NPAS3: variants seen among roughly 807,000 people sequenced by gnomAD.
NPAS3 encodes neuronal PAS domain protein 3.
In NPAS3, 14 loss-of-function variants were observed where a neutral mutation model predicts 73.1. The ratio of observed to expected loss-of-function variants is 0.19; its 90% CI spans 0.13 to 0.30. The LOEUF (loss-of-function observed/expected upper bound fraction) is 0.30. Among genes scored for constraint, NPAS3 ranks in the 10% least tolerant of loss-of-function variants. The pLI, the probability that NPAS3 is intolerant of heterozygous loss-of-function variation, is 1.00. For missense variants in NPAS3, 1,096 were observed against 1,250.0 expected, an observed-to-expected ratio of 0.88 and a Z score of 1.86; for synonymous variants, 620 against 541.5, an observed-to-expected ratio of 1.14 and a Z score of -2.01.
intron 2 of NPAS3, among the ~76,000 whole-genome samples, chr14:33,070,520 C>T (rs2041448589): frequency 6.6e-6 from 1 of 152,188 alleles, no homozygotes; most frequent in Admixed American, 6.5e-5. Flanking sequence ...TCCTAGATGG[C>T]AGTGCAGACA....
intron 9 of NPAS3, 86 bp from the exon 10 acceptor site, chr14:33,793,811 T>A: frequency 7.3e-7 from 1 of 1,360,612 alleles, no homozygotes; most frequent in Non-Finnish European, 9.9e-7. Context: ...ATTTTTAGGC[T>A]TAAGGTTTTG....
chr14:33,299,666 C>A (rs765695984), intron 3 of NPAS3, among the ~76,000 whole-genome samples: 18 of 151,952 alleles, frequency 1.2e-4, no homozygotes, highest in Admixed American at 9.8e-4. Context: ...TGAGTTGGAA[C>A]CTCTGTCTCT....
intron 4 of NPAS3, among the ~76,000 whole-genome samples, chr14:33,375,506 C>G (rs961492884): frequency 6.6e-6 from 1 of 152,076 alleles, no homozygotes; most frequent in African/African-American, 2.4e-5. Flanking sequence ...ATGAACAACT[C>G]AAGATAATTT....
chr14:32,961,165 G>A, intron 1 of NPAS3, among the ~76,000 whole-genome samples: 1 of 152,152 alleles, frequency 6.6e-6, no homozygotes, highest in African/African-American at 2.4e-5. Context: ...TGTAATCCCA[G>A]CACTTTGGGA....
At chr14:33,382,714 A>T (rs2046609559) in intron 4 of NPAS3, among the ~76,000 whole-genome samples, 1 of 152,174 alleles carries the variant, frequency 6.6e-6, no homozygotes, top group Non-Finnish European at 1.5e-5. Context: ...TAGAGACAGG[A>T]CCTAAAATTC....
intron 5 of NPAS3, among the ~76,000 whole-genome samples, chr14:33,565,727 A>G (rs1219360985): frequency 2.0e-5 from 3 of 152,206 alleles, no homozygotes; most frequent in Admixed American, 2.0e-4. Context: ...TATTATTTCA[A>G]CACAGCAGAG....
intron 5 of NPAS3, among the ~76,000 whole-genome samples, chr14:33,632,184 G>A (rs567452603): frequency 3.9e-5 from 6 of 152,286 alleles, no homozygotes; most frequent in African/African-American, 1.4e-4. Context: ...CCTTCTAGGT[G>A]TTGACCAAGT....
At chr14:33,230,369 C>T (rs1594456671) in intron 3 of NPAS3, among the ~76,000 whole-genome samples, 1 of 152,292 alleles carries the variant, frequency 6.6e-6, no homozygotes, top group South Asian at 2.1e-4. Flanking sequence ...TCTACAGCAA[C>T]AGACTCTGCT....
At chr14:33,541,480 A>C (rs910483453) in intron 4 of NPAS3, among the ~76,000 whole-genome samples, 10 of 152,170 alleles carry the variant, frequency 6.6e-5, no homozygotes, top group Admixed American at 5.2e-4. Flanking sequence ...TTAAATAGTC[A>C]GGTAATTAAG....
At chr14:33,205,463 T>G (rs1454785589) in intron 2 of NPAS3, among the ~76,000 whole-genome samples, 1 of 152,206 alleles carries the variant, frequency 6.6e-6, no homozygotes, top group African/African-American at 2.4e-5. Flanking sequence ...GGATATGTAG[T>G]TGCTAAATTG....
At position 33,402,706 on chromosome 14, in the gene NPAS3, C is replaced by G. The variant is rs1031466231; in HGVS notation, c.468+35438C>G. On this transcript the variant is annotated intron_variant, in intron 4 of 11. Coordinates refer to ENST00000356141, the Ensembl canonical transcript of NPAS3. ...AGTTTTTCACAACTCTGTCATCACCCTATAGTTCTTATTTTTATTCAGGTA... is the reference window on the plus strand; with the variant it reads ...AGTTTTTCACAACTCTGTCATCACCGTATAGTTCTTATTTTTATTCAGGTA... Among the ~76,000 whole-genome samples, 10 of 152,312 alleles carry G rather than the reference C, an allele frequency of 6.6e-5. No individual in the cohort carries two copies. The East Asian group carries it at 1.9e-3, about 29-fold the overall frequency.
At chr14:32,993,587 G>T (rs2038428665) in intron 1 of NPAS3, among the ~76,000 whole-genome samples, 2 of 152,150 alleles carry the variant, frequency 1.3e-5, no homozygotes, top group African/African-American at 4.8e-5. Context: ...TATGGCAAAA[G>T]ATTCATTTAT....
intron 2 of NPAS3, among the ~76,000 whole-genome samples, chr14:33,089,169 GAGA>G (rs1368465790): frequency 4.6e-5 from 7 of 152,216 alleles, no homozygotes; most frequent in Admixed American, 6.5e-5. Flanking sequence ...GACGAGTTGA[GAGA>G]AGAAGGCTTC....
chr14:32,993,050 T>C (rs1268379367), intron 1 of NPAS3, among the ~76,000 whole-genome samples: 3 of 151,156 alleles, frequency 2.0e-5, no homozygotes, highest in Non-Finnish European at 4.4e-5. Context: ...CTTGGGAGGC[T>C]GAGGCAGGAG....
chr14:33,365,791 C>T (rs927596318), intron 3 of NPAS3, among the ~76,000 whole-genome samples: 3 of 152,144 alleles, frequency 2.0e-5, no homozygotes, highest in Non-Finnish European at 4.4e-5. Flanking sequence ...GCGCAATAAT[C>T]ACAAGTGCAT....
chr14:33,338,165 G>A (rs4982076), intron 3 of NPAS3, among the ~76,000 whole-genome samples: 119,428 of 152,054 alleles, frequency 0.79, 47,520 homozygotes, highest in African/African-American at 0.92. Context: ...TAGCTTCAAG[G>A]CAAAAGGGGA....
intron 2 of NPAS3, among the ~76,000 whole-genome samples, chr14:33,193,017 T>C (rs2046226046): frequency 1.3e-5 from 2 of 152,214 alleles, no homozygotes; most frequent in Admixed American, 1.3e-4. Flanking sequence ...TGTTACTGCT[T>C]GTTTTCTGGA....
chr14:33,701,224 AC>A (rs2060515869), intron 6 of NPAS3, among the ~76,000 whole-genome samples: 1 of 152,240 alleles, frequency 6.6e-6, no homozygotes, highest in Non-Finnish European at 1.5e-5. Flanking sequence ...TTCCATAACA[AC>A]CCTGTGAGGT....
intron 10 of NPAS3, 136 bp downstream of exon 10, chr14:33,794,180 G>A: frequency 4.1e-6 from 3 of 724,290 alleles, no homozygotes; most frequent in Non-Finnish European, 6.8e-6. Flanking sequence ...TGGCAATTCT[G>A]CTGTTCTTTC....
Sources: allele counts gnomAD v4.1 joint callset (sites outside exome capture counted in the v4.1 genomes callset), GRCh38; gene constraint gnomAD v4.1.1; transcripts MANE v1.5; gene names NCBI Gene and HGNC (gene_info 2026-07-23, HGNC 2026-07-21).